TENM3: variants seen among roughly 807,000 people sequenced by gnomAD.
TENM3 encodes teneurin-3.
A neutral mutation model predicts 255.1 loss-of-function variants in TENM3; 63 were observed. The observed-to-expected ratio is 0.25, with a 90% CI of 0.20 to 0.30. The LOEUF is 0.30. Ranked by LOEUF, TENM3 falls within the 10% of genes least tolerant of loss-of-function variation. The pLI is 1.00. For synonymous variants in TENM3, 1,306 were observed against 1,322.3 expected (o/e 0.99, Z 0.27); for missense variants, 2,929 against 3,461.1 (o/e 0.85, Z 3.86).
chr4:181,914,832 G>A, the TENM3 span, among the ~76,000 whole-genome samples: 13 of 152,152 alleles, frequency 8.5e-5, no homozygotes, highest in Non-Finnish European at 1.5e-4. Context: ...CCAGGAGACC[G>A]TGGACAGGAG....
In TENM3 at chr4:182,673,060, T is replaced by C; in HGVS notation, c.1167T>C (p.Asp389=). 1.2e-6 allele frequency: 2 copies of C among 1,609,234 alleles called. No homozygotes were observed. Among genetic ancestry groups the C allele is most frequent in the African/African-American group, 1.3e-5 (1 of 74,986 alleles). Residue 389 remains aspartate, a synonymous_variant, in exon 7 of 28, where the codon GAT becomes GAC. Transcript: ENST00000511685. Reference sequence around the variant, plus strand: ...ACACCATAGATTCCGGAGAACTTGATATTGGCCGAAGAGCAATTCAAGAGA... The same window carrying C: ...ACACCATAGATTCCGGAGAACTTGACATTGGCCGAAGAGCAATTCAAGAGA... ...ENNTIDSGEL[D]IGRRAIQEIP... is the part of the protein sequence containing the mutation.
At chr4:181,845,892 A>C in the TENM3 span, among the ~76,000 whole-genome samples, 3 of 152,204 alleles carry the variant, frequency 2.0e-5, no homozygotes, top group South Asian at 2.1e-4. Context: ...AGGATTATTC[A>C]GTGGCTTGAG....
chr4:182,438,423 A>C (rs1195553009), intron 3 of TENM3, among the ~76,000 whole-genome samples: 1 of 152,196 alleles, frequency 6.6e-6, no homozygotes, highest in Non-Finnish European at 1.5e-5. Flanking sequence ...AGTTGGTAGA[A>C]ATCATCATCA....
the TENM3 span, among the ~76,000 whole-genome samples, chr4:182,084,603 T>C: frequency 6.6e-6 from 1 of 152,280 alleles, no homozygotes; most frequent in East Asian, 1.9e-4. Context: ...CTTGTTGACC[T>C]GAAACAATTA....
intron 3 of TENM3, among the ~76,000 whole-genome samples, chr4:182,367,564 G>A (rs1402066609): frequency 6.6e-6 from 1 of 151,914 alleles, no homozygotes; most frequent in African/African-American, 2.4e-5. Context: ...ACAGGGCTCT[G>A]TAATGTGAGA....
At chr4:182,219,322 A>G (rs914863065) in intron 1 of TENM3, among the ~76,000 whole-genome samples, 1 of 152,202 alleles carries the variant, frequency 6.6e-6, no homozygotes, top group African/African-American at 2.4e-5. Context: ...TCCTAGTTTG[A>G]AGGTTGTCAT....
rs1434471855 is a variant in TENM3 at position 182,792,648 on chromosome 4, A to G, written c.5976A>G (p.Arg1992=). 1.9e-6 allele frequency: 3 copies of G among 1,613,886 alleles called. No individual in the cohort carries two copies. Among genetic ancestry groups the G allele is most frequent in the African/African-American group, 1.3e-5 (1 of 74,930 alleles). ...LQSDGFICTI[R]YRQIGPLIDR... ...GTGATGGTTTTATTTGCACCATTAG[A>G]TACAGGCAAATTGGTCCCCTGATTG... The change falls in exon 26 of 28, where the codon AGA becomes AGG. Residue 1992 remains arginine, a synonymous_variant. Coordinates refer to ENST00000511685, the MANE Select transcript of TENM3 (RefSeq NM_001080477.4). The surrounding 1 kb of genome is among the most constrained non-coding windows in gnomAD (Gnocchi z 6.3).
chr4:182,530,530 G>A (rs529149976), intron 3 of TENM3, among the ~76,000 whole-genome samples: 17 of 152,162 alleles, frequency 1.1e-4, no homozygotes, highest in Middle Eastern at 3.4e-3. Context: ...GCGACATTTC[G>A]AGCCCACAGG....
chr4:182,786,153 G>C (rs1344195339), intron 24 of TENM3, among the ~76,000 whole-genome samples: 1 of 152,038 alleles, frequency 6.6e-6, no homozygotes, highest in Non-Finnish European at 1.5e-5. Flanking sequence ...CAGATGCTGG[G>C]TCTCACTGCT....
chr4:182,688,207 G>T lies in TENM3; in HGVS notation c.2077G>T (p.Gly693Trp). Residue 693 changes from glycine (G) to tryptophan (W), a missense_variant, in exon 12 of 28, where the codon GGG (glycine) becomes TGG (tryptophan). Gly to Trp is a radical substitution (Grantham distance 184). Transcript: ENST00000511685. ...VDCGSHGVCM[G>W]GTCRCEEGWT... ...CTGTGGCTCACACGGCGTTTGCATG[G>T]GGGGGACGTGTCGCTGTGAAGAAGG... 6.2e-7 allele frequency: 1 copy of T among 1,613,842 alleles called. No individual in the cohort carries two copies. Among genetic ancestry groups the T allele is most frequent in the Non-Finnish European group, 8.5e-7 (1 of 1,179,822 alleles).
At position 182,793,999 on chromosome 4, in the gene TENM3, A is replaced by G; in HGVS notation, c.7213+114A>G. The G allele has an allele frequency of 1.1e-6, 1 of 875,626 alleles. No individual in the cohort carries two copies. 54.2% of individuals were successfully genotyped at this position (875,626 alleles called of 1,614,324 possible). ...TTTATACTTTACTCAGGCAAAGGCA[A>G]ATGGCTAACCTTTTAAATGTGTTTA... On this transcript the variant is annotated intron_variant, in intron 26 of 27. Transcript: ENST00000511685. The surrounding 1 kb of genome is among the most constrained non-coding windows in gnomAD (Gnocchi z 5.7).
chr4:182,794,865 T>G (rs1406911869), intron 26 of TENM3, among the ~76,000 whole-genome samples: 1 of 152,204 alleles, frequency 6.6e-6, no homozygotes, highest in Non-Finnish European at 1.5e-5. Flanking sequence ...CTGCTGCTCC[T>G]ACCTTCCATT....
intron 15 of TENM3, 43 bp from the exon 16 acceptor site, chr4:182,730,835 T>C (rs1248798616): frequency 6.2e-7 from 1 of 1,601,922 alleles, no homozygotes; most frequent in East Asian, 2.2e-5. Flanking sequence ...GGTAGTTATG[T>C]GGGATCCAGA....
At chr4:181,461,210 T>C in the TENM3 span, among the ~76,000 whole-genome samples, 8 of 152,222 alleles carry the variant, frequency 5.3e-5, no homozygotes, top group African/African-American at 1.9e-4. Context: ...TTCTTTGTCA[T>C]CCAGCTTTCA....
chr4:181,678,086 C>T, the TENM3 span, among the ~76,000 whole-genome samples: 2 of 152,242 alleles, frequency 1.3e-5, no homozygotes, highest in Non-Finnish European at 1.5e-5. Flanking sequence ...TGAACACTTA[C>T]TGTGTGCGAG....
chr4:182,658,868 G>T (rs1753977866), intron 6 of TENM3, among the ~76,000 whole-genome samples: 1 of 152,182 alleles, frequency 6.6e-6, no homozygotes, highest in Non-Finnish European at 1.5e-5. Context: ...ACCAGCTGGG[G>T]CACCTAGACA....
chr4:181,828,146 G>T, the TENM3 span, among the ~76,000 whole-genome samples: 2 of 152,142 alleles, frequency 1.3e-5, no homozygotes, highest in Middle Eastern at 3.2e-3. Flanking sequence ...CCTGATGAAT[G>T]CCCTGGCTCC....
At chr4:181,691,295 TGTATAA>T in the TENM3 span, among the ~76,000 whole-genome samples, 6 of 152,200 alleles carry the variant, frequency 3.9e-5, no homozygotes, top group East Asian at 1.9e-4. Context: ...AATAAGTGTG[TGTATAA>T]GTATATGTAT....
chr4:182,458,478 G>A (rs1443569807), intron 3 of TENM3, among the ~76,000 whole-genome samples: 1 of 152,158 alleles, frequency 6.6e-6, no homozygotes, highest in African/African-American at 2.4e-5. Flanking sequence ...ATCTGGTGGT[G>A]TGACCTTGGA....
Sources: allele counts gnomAD v4.1 joint callset (sites outside exome capture counted in the v4.1 genomes callset), GRCh38; gene constraint gnomAD v4.1.1; non-coding constraint Gnocchi (gnomAD v3.1); transcripts MANE v1.5; gene names NCBI Gene and HGNC (gene_info 2026-07-23, HGNC 2026-07-21).